FRMPD2: variants seen among roughly 807,000 people sequenced by gnomAD.
FRMPD2 encodes the protein FERM and PDZ domain containing 2.
Under a neutral mutation model 140.1 loss-of-function variants are expected in FRMPD2, and 96 were observed. The ratio of observed to expected loss-of-function variants is 0.69; its 90% CI spans 0.58 to 0.81. The LOEUF (loss-of-function observed/expected upper bound fraction) is 0.81. FRMPD2 is among the 40% of genes least tolerant of loss of function. The probability of loss-of-function intolerance (pLI) is 0.00; values close to 1 mark genes in which losing one functional copy is unlikely to be tolerated. For missense variants in FRMPD2, 1,240 were observed against 1,447.4 expected (o/e 0.86, Z 2.32); for synonymous variants, 449 against 547.6 (o/e 0.82, Z 2.52).
chr10:48,233,994 G>C (rs765336259), intron 9 of FRMPD2, among the ~76,000 whole-genome samples: 1 of 152,216 alleles, frequency 6.6e-6, no homozygotes, highest in Non-Finnish European at 1.5e-5. Flanking sequence ...AATTCAGCAG[G>C]GACAAGCATC....
chr10:48,206,784 C>G lies in FRMPD2; in HGVS notation c.1761G>C (p.Arg587=), dbSNP rs774547625. ...VKNNSRIAML[R]FQWRETGKIS... ...TCTTCCCGGTTTCTCTCCACTGAAA[C>G]CGTAACATTGCAATTCTGCTGTTGT... The change falls in exon 14 of 29, where the codon CGG becomes CGC. Residue 587 remains arginine, a synonymous_variant. Transcript: ENST00000374201. 3.7e-5 allele frequency: 59 copies of G among 1,613,950 alleles called. No homozygotes were observed. Among genetic ancestry groups the G allele is most frequent in the Non-Finnish European group, 4.7e-5 (56 of 1,179,946 alleles).
chr10:48,230,662 G>A (rs1429076449), intron 10 of FRMPD2, among the ~76,000 whole-genome samples: 1 of 152,194 alleles, frequency 6.6e-6, no homozygotes, highest in Non-Finnish European at 1.5e-5. Context: ...CTAAAGGAAG[G>A]TGAAAATTGT....
chr10:48,232,346 GT>G (rs1839871796), intron 9 of FRMPD2, 57 bp from the exon 10 acceptor site: 6 of 1,318,698 alleles, frequency 4.5e-6, no homozygotes, highest in Non-Finnish European at 6.3e-6. Flanking sequence ...AGCCTTTAGT[GT>G]GTGCTGGTTA....
At chr10:48,271,160 C>A (rs925360332) in intron 1 of FRMPD2, among the ~76,000 whole-genome samples, 4 of 152,142 alleles carry the variant, frequency 2.6e-5, no homozygotes, top group African/African-American at 7.2e-5. Context: ...TCCTCTTTCC[C>A]CCATGGCCTT....
rs181515150 is a variant in FRMPD2 at position 48,208,703 on chromosome 10, G to A, written c.1612-1770C>T. 2.0e-5 allele frequency among the ~76,000 whole-genome samples: 3 copies of A among 152,210 alleles called. No homozygotes were observed. The East Asian group carries it at 5.8e-4, about 29-fold the overall frequency. ...TCTACCTCCATTTGCTGTCTGCTAGGGAGTCTCCTAGGATGCTTCTCCTGG... is the reference window on the plus strand; with the variant it reads ...TCTACCTCCATTTGCTGTCTGCTAGAGAGTCTCCTAGGATGCTTCTCCTGG... On this transcript the variant is annotated intron_variant, in intron 13 of 28. Coordinates refer to ENST00000374201, the MANE Select transcript of FRMPD2 (RefSeq NM_001018071.4).
chr10:48,274,414 C>A, intron 1 of FRMPD2, 129 bp downstream of exon 1: 1 of 774,016 alleles, frequency 1.3e-6, no homozygotes, highest in Non-Finnish European at 2.2e-6. Context: ...CAAATAATAC[C>A]ACAAAGGGCA....
At chr10:48,236,799 T>C (rs1839977025) in intron 8 of FRMPD2, among the ~76,000 whole-genome samples, 1 of 152,160 alleles carries the variant, frequency 6.6e-6, no homozygotes, top group African/African-American at 2.4e-5. Flanking sequence ...TACAGGGGTG[T>C]TCGGGGTGAA....
rs1004828060 is a variant in FRMPD2, at chr10:48,200,955, C to A, written c.1954+273G>T. ...CTATCTACAAGTAAAATTATGGGGC[C>A]AAGAGGACGTGCACTTTTTAAGGCT... On this transcript the variant is annotated intron_variant, in intron 15 of 28. Coordinates refer to ENST00000374201, the MANE Select transcript of FRMPD2 (RefSeq NM_001018071.4). Among the ~76,000 whole-genome samples the A allele has an allele frequency of 2.6e-5, 4 of 152,160 alleles. No homozygotes were observed. The South Asian group carries it at 8.3e-4, about 31-fold the overall frequency.
intron 12 of FRMPD2, among the ~76,000 whole-genome samples, chr10:48,216,420 C>G (rs1839452405): frequency 6.6e-6 from 1 of 152,062 alleles, no homozygotes; most frequent in South Asian, 2.1e-4. Flanking sequence ...CCCTGGAACC[C>G]TGGGGCAAGA....
At chr10:48,174,522 G>C (rs1302953865) in intron 24 of FRMPD2, among the ~76,000 whole-genome samples, 3 of 151,896 alleles carry the variant, frequency 2.0e-5, no homozygotes, top group African/African-American at 7.3e-5. Context: ...ATGGACACAG[G>C]GCCAGCGGGG....
rs780796334 is a variant in FRMPD2 at position 48,249,174 on chromosome 10, G to C, written c.156C>G (p.Ser52=). The C allele has an allele frequency of 6.2e-7, 1 of 1,613,742 alleles. No individual in the cohort carries two copies. The highest frequency in any genetic ancestry group is 8.5e-7 in the Non-Finnish European group (1 of 1,179,800). The change falls in exon 3 of 29, where the codon TCC becomes TCG. Residue 52 remains serine, a synonymous_variant. Coordinates refer to ENST00000374201, the MANE Select transcript of FRMPD2 (RefSeq NM_001018071.4). ...EQLLEDLRND[S]SDYVVCPWSA... ...ACCAGGGGCAAACCACATAGTCCGA[G>C]GAATCTGAAACCAAGCCAGTGATGG...
At chr10:48,198,700 C>T (rs1246767467) in intron 15 of FRMPD2, among the ~76,000 whole-genome samples, 1 of 152,144 alleles carries the variant, frequency 6.6e-6, no homozygotes, top group Non-Finnish European at 1.5e-5. Context: ...TTGATTCTTC[C>T]AATCCATAAG....
chr10:48,172,639 TTCAG>T (rs1838290703), intron 25 of FRMPD2, among the ~76,000 whole-genome samples: 2 of 151,084 alleles, frequency 1.3e-5, no homozygotes, highest in Non-Finnish European at 3.0e-5. Context: ...GTATGACCCT[TTCAG>T]TCAATTTCAT....
At position 48,156,681 on chromosome 10, in the gene FRMPD2, T is replaced by TG. The variant is rs1384410690; in HGVS notation, c.*640dup. On this transcript the variant is annotated 3_prime_UTR_variant, in exon 29 of 29. Transcript: ENST00000374201. ...TACCGAGCTCAGGAGACCGGGGGGA[T>TG]GGGGGGGCTTGCCAGAGGGCACAGC... 4.5e-5 allele frequency: 6 copies of TG among 133,360 alleles called. No individual in the cohort carries two copies. Among genetic ancestry groups the TG allele is most frequent in the East Asian group, 1.8e-4 (1 of 5,610 alleles). 8.3% of individuals were successfully genotyped at this position (133,360 alleles called of 1,614,324 possible). A position where few individuals can be genotyped will look rare whatever the true frequency, so the allele number is the denominator to read the frequency against.
At chr10:48,225,609 C>T (rs1435027367) in intron 10 of FRMPD2, among the ~76,000 whole-genome samples, 1 of 152,258 alleles carries the variant, frequency 6.6e-6, no homozygotes, top group Non-Finnish European at 1.5e-5. Context: ...TCCTCTAGAA[C>T]ATGCATATCC....
At chr10:48,235,174 C>T (rs1252496982) in intron 9 of FRMPD2, among the ~76,000 whole-genome samples, 4 of 152,220 alleles carry the variant, frequency 2.6e-5, no homozygotes, top group Non-Finnish European at 5.9e-5. Flanking sequence ...CAGCCCCTCA[C>T]ACACCAGCCT....
At position 48,201,238 on chromosome 10, in the gene FRMPD2, ATGGGAAGGC is replaced by A. The variant is rs768376899; in HGVS notation, c.1935_1943del (p.Gln645_Ser647del). The A allele has an allele frequency of 1.1e-5, 18 of 1,605,716 alleles. No homozygotes were observed. The highest frequency in any genetic ancestry group is 1.5e-5 in the Non-Finnish European group (18 of 1,176,018). ...ACAGCTTCTACTCACCAAATAAAAC[ATGGGAAGGC>A]TGCCCAGAGCCCATCTGTGCATTAA... is the stretch of plus-strand genomic sequence containing the variant. On this transcript the variant is annotated inframe_deletion, in exon 15 of 29. Coordinates refer to ENST00000374201, the MANE Select transcript of FRMPD2 (RefSeq NM_001018071.4).
chr10:48,232,008 C>T, intron 10 of FRMPD2, 107 bp downstream of exon 10: 1 of 970,530 alleles, frequency 1.0e-6, no homozygotes, highest in Non-Finnish European at 1.6e-6. Context: ...CAAAGGGAGG[C>T]ACCCAAGTCT....
At chr10:48,266,289 A>G (rs1840676878) in intron 1 of FRMPD2, among the ~76,000 whole-genome samples, 1 of 152,206 alleles carries the variant, frequency 6.6e-6, no homozygotes, top group Non-Finnish European at 1.5e-5. Context: ...CCAGGTTTAT[A>G]ATATAATCTG....
Sources: gnomAD v4.1 joint callset for allele counts (sites outside exome capture counted in the v4.1 genomes callset) on GRCh38, gnomAD v4.1.1 for gene constraint, MANE v1.5 for transcripts, NCBI Gene and HGNC (gene_info 2026-07-23, HGNC 2026-07-21) for gene names.